SOX5: variants seen among roughly 807,000 people sequenced by gnomAD.
The protein encoded by SOX5 is SRY-box transcription factor 5, also known as transcription factor SOX-5.
A neutral mutation model predicts 92.0 loss-of-function variants in SOX5; 9 were observed. The ratio of observed to expected loss-of-function variants is 0.10; its 90% CI spans 0.06 to 0.17. The LOEUF is 0.17. Among genes scored for constraint, SOX5 ranks in the 10% least tolerant of loss-of-function variants. SOX5 has a pLI of 1.00. For missense variants in SOX5, 642 were observed against 944.5 expected, an observed-to-expected ratio of 0.68 and a Z score of 4.20; for synonymous variants, 344 against 336.3, an observed-to-expected ratio of 1.02 and a Z score of -0.25.
intron 6 of SOX5, among the ~76,000 whole-genome samples, chr12:23,705,635 T>G (rs536246621): frequency 1.2e-4 from 19 of 152,038 alleles, no homozygotes; most frequent in Admixed American, 1.1e-3. Flanking sequence ...CTACCAGGCA[T>G]CTTTATACTT....
Position 23,625,899 on chromosome 12 carries a change from G to A in SOX5, c.1017+14913C>T, listed in dbSNP as rs372684237. Among the ~76,000 whole-genome samples the A allele has an allele frequency of 9.3e-4, 142 of 152,260 alleles. 1 individual carries two copies. Among genetic ancestry groups the A allele is most frequent in the African/African-American group, 2.8e-3 (117 of 41,554 alleles). On this transcript the variant is annotated intron_variant, in intron 8 of 14. Transcript: ENST00000451604. ...TGGGATTACAGGCATGAGCCACCGC[G>A]CCCGGCCTCAAGCAAATGTTTCTAA... is the stretch of plus-strand genomic sequence containing the variant.
rs150552585 is a variant in SOX5, at chr12:24,012,846, G to A, written c.-1-116822C>T. Among the ~76,000 whole-genome samples, 11 of 152,226 alleles carry A rather than the reference G, an allele frequency of 7.2e-5. No homozygotes were observed. In the East Asian group the frequency reaches 1.4e-3, roughly 19 times the overall value. The stretch of plus-strand genomic sequence containing the variant: ...GTTGAAGACAAGAGACATCACTAGC[G>A]CAATGGAGAACTACCAAACACTTCC... On this transcript the variant is annotated intron_variant, in intron 4 of 4. Coordinates refer to the SOX5 transcript ENST00000446891.
intron 9 of SOX5, among the ~76,000 whole-genome samples, chr12:23,582,599 T>G (rs1186651532): frequency 6.6e-6 from 1 of 152,126 alleles, no homozygotes; most frequent in East Asian, 1.9e-4. Flanking sequence ...AATTGCAAAA[T>G]GCCTTGTTAA....
rs151281718 is a variant in SOX5, at chr12:23,784,419, C to T, written c.482-28695G>A. ...TCTGCTCACTGCAGGTTCCGCCTCC[C>T]GGGTTCACGCCATTTTCCCGCCTCA... On this transcript the variant is annotated intron_variant, in intron 3 of 14. Coordinates refer to ENST00000451604, the MANE Select transcript of SOX5 (RefSeq NM_006940.6). Among the ~76,000 whole-genome samples, 437 of 152,192 alleles carry T rather than the reference C, an allele frequency of 2.9e-3. 2 individuals are homozygous for T. Among genetic ancestry groups the T allele is most frequent in the African/African-American group, 9.2e-3 (384 of 41,526 alleles).
intron 7 of SOX5, among the ~76,000 whole-genome samples, chr12:23,642,913 C>G (rs549796339): frequency 8.1e-6 from 1 of 123,214 alleles, no homozygotes; most frequent in Non-Finnish European, 1.9e-5. Flanking sequence ...CGGTGAAACC[C>G]CGTCTCTACT....
At chr12:24,435,599 A>G (rs1939255670) in intron 1 of SOX5, among the ~76,000 whole-genome samples, 1 of 152,268 alleles carries the variant, frequency 6.6e-6, no homozygotes, top group Admixed American at 6.5e-5. Context: ...AATATTTACA[A>G]AAGAAGCAAA....
chr12:23,576,303 C>T (rs895665930), intron 9 of SOX5, among the ~76,000 whole-genome samples: 1 of 152,044 alleles, frequency 6.6e-6, no homozygotes, highest in Non-Finnish European at 1.5e-5. Context: ...AGTTGTGTGC[C>T]TCTGATCAGA....
chr12:24,064,341 T>A (rs1337661660), intron 4 of SOX5, among the ~76,000 whole-genome samples: 1 of 152,196 alleles, frequency 6.6e-6, no homozygotes, highest in Non-Finnish European at 1.5e-5. Flanking sequence ...AGATGACTCT[T>A]ATGTACACTG....
chr12:23,902,811 T>C (rs980048988), intron 1 of SOX5, among the ~76,000 whole-genome samples: 46 of 152,202 alleles, frequency 3.0e-4, no homozygotes, highest in Non-Finnish European at 7.3e-5. Context: ...GCTCTGCATT[T>C]GTTTTCCCAA....
chr12:23,593,476 C>T (rs912554244), intron 9 of SOX5, among the ~76,000 whole-genome samples: 1 of 152,052 alleles, frequency 6.6e-6, no homozygotes, highest in Non-Finnish European at 1.5e-5. Flanking sequence ...CTCTATTGCT[C>T]CTTACACTAG....
chr12:23,920,787 T>G (rs911719463), intron 1 of SOX5, among the ~76,000 whole-genome samples: 1 of 152,130 alleles, frequency 6.6e-6, no homozygotes, highest in Non-Finnish European at 1.5e-5. Flanking sequence ...TCCTCCAAAA[T>G]AAGCAGTTTG....
chr12:24,131,612 T>C (rs763248765), intron 4 of SOX5, among the ~76,000 whole-genome samples: 12 of 152,192 alleles, frequency 7.9e-5, no homozygotes, highest in Non-Finnish European at 1.3e-4. Context: ...ATAATCTCAC[T>C]GTAAGAATAT....
chr12:24,193,847 A>G (rs1425226547), intron 4 of SOX5, among the ~76,000 whole-genome samples: 1 of 152,230 alleles, frequency 6.6e-6, no homozygotes, highest in Admixed American at 6.5e-5. Context: ...AGAAAAAAGT[A>G]GTTTTGACAT....
chr12:24,519,159 C>T (rs1318255359), intron 1 of SOX5, among the ~76,000 whole-genome samples: 4 of 151,954 alleles, frequency 2.6e-5, no homozygotes, highest in South Asian at 2.1e-4. Flanking sequence ...ATTTTTGCTA[C>T]GTGAATTTTT....
At chr12:23,725,515 CAT>C (rs2093063906) in intron 6 of SOX5, among the ~76,000 whole-genome samples, 1 of 152,176 alleles carries the variant, frequency 6.6e-6, no homozygotes, top group African/African-American at 2.4e-5. Context: ...CCTCCTATGA[CAT>C]GTGGGAATTA....
At chr12:24,294,546 G>GT (rs1565846685) in intron 2 of SOX5, among the ~76,000 whole-genome samples, 1 of 152,074 alleles carries the variant, frequency 6.6e-6, no homozygotes, top group Admixed American at 6.6e-5. Flanking sequence ...GAGAAGCACC[G>GT]CCCCTTCCAC....
At chr12:23,680,452 T>C (rs940385952) in intron 6 of SOX5, among the ~76,000 whole-genome samples, 1 of 151,024 alleles carries the variant, frequency 6.6e-6, no homozygotes, top group Non-Finnish European at 1.5e-5. Flanking sequence ...ATGAACTAGA[T>C]TTCAGTCCAC....
chr12:23,695,940 CAAAAAAAAAA>C (rs71059917), intron 6 of SOX5, among the ~76,000 whole-genome samples: 10 of 11,922 alleles, frequency 8.4e-4, no homozygotes, highest in African/African-American at 2.2e-3. Flanking sequence ...GACTCTGTCT[CAAAAAAAAAA>C]AAAAAAAAAA....
intron 2 of SOX5, among the ~76,000 whole-genome samples, chr12:23,855,871 G>T (rs934158380): frequency 6.6e-6 from 1 of 152,110 alleles, no homozygotes; most frequent in East Asian, 1.9e-4. Context: ...GCTCTGTTAC[G>T]CCACCACACT....
Sources: gnomAD v4.1 joint callset for allele counts (sites outside exome capture counted in the v4.1 genomes callset) on GRCh38, gnomAD v4.1.1 for gene constraint, MANE v1.5 for transcripts, NCBI Gene and HGNC (gene_info 2026-07-23, HGNC 2026-07-21) for gene names.